Variants in WDR33 observed in about 807,000 individuals in gnomAD.
WDR33 encodes the protein WD repeat domain 33, also known as pre-mRNA 3' end processing protein WDR33.
WDR33 carries 47 observed loss-of-function variants against 164.9 expected under a neutral mutation model. The ratio of observed to expected loss-of-function variants is 0.29; its 90% CI spans 0.23 to 0.36. The LOEUF (loss-of-function observed/expected upper bound fraction) is 0.36, where lower values mean the gene tolerates loss of function less well. Ranked by LOEUF, WDR33 falls within the 10% of genes least tolerant of loss-of-function variation. The probability of loss-of-function intolerance (pLI) is 1.00; values close to 1 mark genes in which losing one functional copy is unlikely to be tolerated. For synonymous variants in WDR33, 505 were observed against 589.0 expected, an observed-to-expected ratio of 0.86 and a Z score of 2.06; for missense variants, 1,137 against 1,754.1, an observed-to-expected ratio of 0.65 and a Z score of 6.28.
At chr2:127,802,125 G>A (rs771072019) in intron 1 of WDR33, among the ~76,000 whole-genome samples, 58 of 150,992 alleles carry the variant, frequency 3.8e-4, no homozygotes, top group Admixed American at 1.8e-3. Flanking sequence ...CTGAGATCAC[G>A]CCACTGCACT....
intron 4 of WDR33, among the ~76,000 whole-genome samples, chr2:127,767,424 C>T (rs1221735032): frequency 2.0e-5 from 3 of 152,036 alleles, no homozygotes; most frequent in Admixed American, 2.0e-4. Context: ...AAATTAGTTT[C>T]AGTTTAAGGC....
At position 127,704,594 on chromosome 2, in the gene WDR33, T is replaced by A. The variant is rs760946791; in HGVS notation, c.*1729A>T. 6.0e-6 allele frequency: 1 copy of A among 167,024 alleles called. No individual in the cohort carries two copies. The highest frequency in any genetic ancestry group is 1.5e-5 in the Non-Finnish European group (1 of 68,112). The allele number at this position is 167,024 out of a possible 1,614,324, so 10.3% of individuals were successfully genotyped here. A position where few individuals can be genotyped will look rare whatever the true frequency, so the allele number is the denominator to read the frequency against. On this transcript the variant is annotated 3_prime_UTR_variant, in exon 22 of 22. Coordinates refer to ENST00000322313, the MANE Select transcript of WDR33 (RefSeq NM_018383.5). ...AGCATGTTTATGGTGGAGCGCTGAT[T>A]AAATAAGCTGTAATTTCAAAGTTAA...
chr2:127,767,233 T>C (rs17600177), intron 4 of WDR33, among the ~76,000 whole-genome samples: 11,535 of 152,194 alleles, frequency 0.076, 455 homozygotes, highest in Non-Finnish European at 0.092. Context: ...GACACAATCG[T>C]CTTTTCTCGG....
intron 7 of WDR33, among the ~76,000 whole-genome samples, chr2:127,747,721 C>CT (rs1253547424): frequency 6.6e-6 from 1 of 152,172 alleles, no homozygotes; most frequent in African/African-American, 2.4e-5. Flanking sequence ...AAACATACTG[C>CT]TGGCATCATT....
In WDR33 at chr2:127,735,528, T is replaced by C. The variant is rs1347224381; in HGVS notation, c.725-8751A>G. On this transcript the variant is annotated intron_variant, in intron 7 of 21. Coordinates refer to ENST00000322313, the MANE Select transcript of WDR33 (RefSeq NM_018383.5). This position sits in a 1 kb window ranked among gnomAD's most constrained non-coding sequence, Gnocchi z 4.3. ...TATAAAAAGCACCAAGATTTTCTAA[T>C]ACAGGAAGAAAAAAGGCAAACAAAG... 2 of 985,628 alleles carry C rather than the reference T, an allele frequency of 2.0e-6. No homozygotes were observed. Among genetic ancestry groups the C allele is most frequent in the Non-Finnish European group, 2.4e-6 (2 of 829,734 alleles). 61.1% of individuals were successfully genotyped at this position (985,628 alleles called of 1,614,324 possible).
chr2:127,712,463 T>C lies in WDR33; in HGVS notation c.3308+1120A>G, dbSNP rs72846243. On this transcript the variant is annotated intron_variant, in intron 18 of 21. Transcript: ENST00000322313. This position sits in a 1 kb window ranked among gnomAD's most constrained non-coding sequence, Gnocchi z 4.0. ...AAGGCTAAGGAGTAATCAGAGACTA[T>C]AGTAAAAGCTGAAGTGCTGAACAGC... 0.065 allele frequency among the ~76,000 whole-genome samples: 9,872 copies of C among 150,914 alleles called. 439 individuals are homozygous for C. The highest frequency in any genetic ancestry group is 0.17 in the Middle Eastern group (48 of 286).
Position 127,720,369 on chromosome 2 carries a change from G to A in WDR33, c.1672-16C>T. The A allele has an allele frequency of 6.7e-7, 1 of 1,503,424 alleles. No homozygotes were observed. The highest frequency in any genetic ancestry group is 8.9e-7 in the Non-Finnish European group (1 of 1,127,570). The allele number at this position is 1,503,424 out of a possible 1,614,324, so 93.1% of individuals were successfully genotyped here. ...TTTTAAGTTGCTGGAAAGAAAGAAA[G>A]AAAAAAGCATGTTGAATAAACAGGC... On this transcript the variant is annotated splice_polypyrimidine_tract_variant and intron_variant, in intron 15 of 21. Coordinates refer to ENST00000322313, the MANE Select transcript of WDR33 (RefSeq NM_018383.5). The surrounding 1 kb of genome is among the most constrained non-coding windows in gnomAD (Gnocchi z 5.9).
rs1687770771 is a variant in WDR33 at position 127,764,668 on chromosome 2, T to C, written c.626+160A>G. ...CTACTTCAGAAAGGTGCCAGCAAAA[T>C]GGTGAATGTGTGAAAACAAAGAAAA... On this transcript the variant is annotated intron_variant, in intron 6 of 21. Transcript: ENST00000322313. This position sits in a 1 kb window ranked among gnomAD's most constrained non-coding sequence, Gnocchi z 6.2. 14 of 1,577,322 alleles carry C rather than the reference T, an allele frequency of 8.9e-6. No individual in the cohort carries two copies. Among genetic ancestry groups the C allele is most frequent in the South Asian group, 1.1e-5 (1 of 87,492 alleles).
At chr2:127,750,677 AATATATATATATATAT>A (rs1161071581) in intron 7 of WDR33, among the ~76,000 whole-genome samples, 16 of 35,800 alleles carry the variant, frequency 4.5e-4, no homozygotes, top group East Asian at 1.1e-3. Flanking sequence ...AAAAAAAAAA[AATATATATATATATAT>A]ATATATATAT....
intron 7 of WDR33, among the ~76,000 whole-genome samples, chr2:127,739,703 T>C (rs974902682): frequency 6.6e-6 from 1 of 152,230 alleles, no homozygotes; most frequent in African/African-American, 2.4e-5. Context: ...ATTCAATGAA[T>C]AAAAGCTTTC....
intron 1 of WDR33, among the ~76,000 whole-genome samples, chr2:127,803,494 G>A (rs1689323207): frequency 6.6e-6 from 1 of 152,048 alleles, no homozygotes; most frequent in Non-Finnish European, 1.5e-5. Context: ...CTTCAACCCA[G>A]GAGGCAGAGG....
chr2:127,739,602 T>C (rs1028096954), intron 7 of WDR33, among the ~76,000 whole-genome samples: 2 of 152,226 alleles, frequency 1.3e-5, no homozygotes, highest in African/African-American at 4.8e-5. Context: ...TATTTACATG[T>C]ACAAAATGGA....
Position 127,710,543 on chromosome 2 carries a change from C to T in WDR33, c.3309-687G>A, listed in dbSNP as rs1686134704. On this transcript the variant is annotated intron_variant, in intron 18 of 21. Transcript: ENST00000322313. This position sits in a 1 kb window ranked among gnomAD's most constrained non-coding sequence, Gnocchi z 4.4. Reference sequence around the variant, plus strand: ...AGCATCTGGTTTACAGGCAGCGATCCACTGGCTAGCTGGCAGTCTGGAGCC... The same window carrying T: ...AGCATCTGGTTTACAGGCAGCGATCTACTGGCTAGCTGGCAGTCTGGAGCC... Among the ~76,000 whole-genome samples the T allele has an allele frequency of 6.6e-6, 1 of 152,184 alleles. No homozygotes were observed. The highest frequency in any genetic ancestry group is 1.5e-5 in the Non-Finnish European group (1 of 68,028).
rs1485810952 is a variant in WDR33 at position 127,714,471 on chromosome 2, G to A, written c.2870-450C>T. Among the ~76,000 whole-genome samples, 2 of 152,194 alleles carry A rather than the reference G, an allele frequency of 1.3e-5. No homozygotes were observed. The highest frequency in any genetic ancestry group is 4.8e-5 in the African/African-American group (2 of 41,444). On this transcript the variant is annotated intron_variant, in intron 17 of 21. Transcript: ENST00000322313. The surrounding 1 kb of genome is among the most constrained non-coding windows in gnomAD (Gnocchi z 4.3). ...TCACCTCTGTACCCATCAACAGGGT[G>A]CCACTGCCACCCATGACATCCCTCC...
At chr2:127,761,734 T>A (rs1346794332) in intron 7 of WDR33, among the ~76,000 whole-genome samples, 2 of 152,196 alleles carry the variant, frequency 1.3e-5, no homozygotes, top group Admixed American at 1.3e-4. Context: ...ATGGAGCTCA[T>A]CCATAAAATA....
At chr2:127,759,885 A>T (rs13402142) in intron 7 of WDR33, among the ~76,000 whole-genome samples, 3,280 of 151,994 alleles carry the variant, frequency 0.022, 123 homozygotes, top group African/African-American at 0.075. Flanking sequence ...TATTTTTTTA[A>T]AAAAAATTAA....
chr2:127,734,810 C>T (rs1270821415), intron 7 of WDR33, among the ~76,000 whole-genome samples: 1 of 152,122 alleles, frequency 6.6e-6, no homozygotes, highest in Non-Finnish European at 1.5e-5. Context: ...AACATGAATG[C>T]ACTTTTAAAG....
At chr2:127,760,798 AT>A (rs1687651682) in intron 7 of WDR33, among the ~76,000 whole-genome samples, 1 of 152,228 alleles carries the variant, frequency 6.6e-6, no homozygotes, top group Non-Finnish European at 1.5e-5. Flanking sequence ...GAATCAAAAG[AT>A]ATTAAAAAGC....
At chr2:127,754,444 G>C (rs984457370) in intron 7 of WDR33, among the ~76,000 whole-genome samples, 1 of 152,034 alleles carries the variant, frequency 6.6e-6, no homozygotes, top group African/African-American at 2.4e-5. Context: ...AAAAACACAG[G>C]GTCTCCCTCT....
Sources: gnomAD v4.1 joint callset for allele counts (sites outside exome capture counted in the v4.1 genomes callset) on GRCh38, gnomAD v4.1.1 for gene constraint, Gnocchi (gnomAD v3.1) non-coding constraint, MANE v1.5 for transcripts, NCBI Gene and HGNC (gene_info 2026-07-23, HGNC 2026-07-21) for gene names.